Variants in PANX1 observed in about 807,000 individuals in gnomAD.
PANX1 encodes pannexin 1.
A neutral mutation model predicts 38.7 loss-of-function variants in PANX1; 30 were observed. The ratio of observed to expected loss-of-function variants is 0.78; its 90% CI spans 0.58 to 1.05. PANX1 has a LOEUF of 1.05. PANX1 is among the 50% of genes least tolerant of loss of function. PANX1 has a pLI of 0.00. For missense variants in PANX1, 551 were observed against 517.2 expected, an observed-to-expected ratio of 1.07 and a Z score of -0.63; for synonymous variants, 230 against 212.2, an observed-to-expected ratio of 1.08 and a Z score of -0.73.
chr11:94,137,963 G>C lies in PANX1; in HGVS notation c.181+8470G>C, dbSNP rs559774867. 1.2e-4 allele frequency among the ~76,000 whole-genome samples: 18 copies of C among 145,406 alleles called. No individual in the cohort carries two copies. The South Asian group carries it at 3.6e-3, about 29-fold the overall frequency. On this transcript the variant is annotated intron_variant, in intron 1 of 4. Coordinates refer to ENST00000227638, the MANE Select transcript of PANX1 (RefSeq NM_015368.4). ...GGCAGTGACATGGAATGTTGTGCAC[G>C]TGTCAAAATTTAACTGTTTCACAAG...
intron 2 of PANX1, among the ~76,000 whole-genome samples, chr11:94,158,900 C>G (rs1006056835): frequency 2.6e-5 from 4 of 152,076 alleles, no homozygotes; most frequent in Admixed American, 6.5e-5. Context: ...ATAGATAGCT[C>G]TTATTATTTT....
chr11:94,178,415 C>G lies in PANX1; in HGVS notation c.368C>G (p.Pro123Arg), dbSNP rs777029993. 1 of 1,614,076 alleles carries G rather than the reference C, an allele frequency of 6.2e-7. No individual in the cohort carries two copies. The highest frequency in any genetic ancestry group is 8.5e-7 in the Non-Finnish European group (1 of 1,179,980). The change falls in exon 3 of 5, where the codon CCC becomes CGC. Residue 123 changes from proline to arginine, a missense_variant. Transcript: ENST00000227638. Reference sequence around the variant, plus strand: ...CTCTTTGCGATCCTCCTGTACCTGCCCCCGCTGTTCTGGCGTTTCGCAGCT... The same window carrying G: ...CTCTTTGCGATCCTCCTGTACCTGCGCCCGCTGTTCTGGCGTTTCGCAGCT... ...LLLFAILLYL[P>R]PLFWRFAAAP...
intron 2 of PANX1, among the ~76,000 whole-genome samples, chr11:94,163,049 T>C (rs1349831520): frequency 1.3e-5 from 2 of 152,076 alleles, no homozygotes; most frequent in Non-Finnish European, 1.5e-5. Flanking sequence ...ATTTTTGTTA[T>C]TTTTTGTAGA....
At chr11:94,155,148 C>T (rs1460893165) in intron 2 of PANX1, among the ~76,000 whole-genome samples, 4 of 150,880 alleles carry the variant, frequency 2.7e-5, no homozygotes, top group South Asian at 2.1e-4. Flanking sequence ...GTCAGGAGTT[C>T]GAGACCAGCC....
In PANX1 at chr11:94,180,179, A is replaced by G; in HGVS notation, c.1123A>G (p.Met375Val). The change falls in exon 4 of 5, where the codon ATG (methionine) becomes GTG (valine). Residue 375 changes from methionine to valine, a missense_variant. By Grantham distance (21) the Met-to-Val change is conservative. Coordinates refer to ENST00000227638, the MANE Select transcript of PANX1 (RefSeq NM_015368.4). ...LLLTNLGMIK[M>V]DVVDGKTPMS... ...CCTGACAAACCTTGGCATGATCAAG[A>G]TGGATGTTGTTGATGGCAAAACTCC... 5 of 1,613,900 alleles carry G rather than the reference A, an allele frequency of 3.1e-6. No individual in the cohort carries two copies. The highest frequency in any genetic ancestry group is 4.2e-6 in the Non-Finnish European group (5 of 1,179,902).
intron 1 of PANX1, among the ~76,000 whole-genome samples, chr11:94,145,036 T>C (rs1276607781): frequency 6.6e-6 from 1 of 152,184 alleles, no homozygotes; most frequent in Admixed American, 6.5e-5. Context: ...GGAAATGATA[T>C]CAACATAATA....
intron 1 of PANX1, among the ~76,000 whole-genome samples, chr11:94,145,298 C>T (rs1375367854): frequency 6.6e-6 from 1 of 152,182 alleles, no homozygotes; most frequent in Non-Finnish European, 1.5e-5. Context: ...TTTCTTTATA[C>T]ACCCCTTAAT....
At chr11:94,135,951 A>G (rs1946683780) in intron 1 of PANX1, among the ~76,000 whole-genome samples, 2 of 152,224 alleles carry the variant, frequency 1.3e-5, no homozygotes, top group Admixed American at 1.3e-4. Context: ...ATAATAGAAC[A>G]GTATTCCATA....
intron 1 of PANX1, among the ~76,000 whole-genome samples, chr11:94,150,703 C>T (rs568945231): frequency 3.2e-4 from 49 of 152,158 alleles, no homozygotes; most frequent in Non-Finnish European, 6.5e-4. Context: ...CTATTTGTTG[C>T]CTGCCCCTCC....
chr11:94,156,875 A>G (rs1198517489), intron 2 of PANX1, among the ~76,000 whole-genome samples: 1 of 137,136 alleles, frequency 7.3e-6, no homozygotes, highest in African/African-American at 2.8e-5. Context: ...ATCCCTCCCC[A>G]CTCCCCCCAC....
intron 2 of PANX1, among the ~76,000 whole-genome samples, chr11:94,159,856 TG>T (rs1187045233): frequency 6.6e-6 from 1 of 152,022 alleles, no homozygotes; most frequent in Non-Finnish European, 1.5e-5. Flanking sequence ...CTTTCTCTTG[TG>T]GGCATTTAGT....
At chr11:94,162,685 C>T (rs1325543025) in intron 2 of PANX1, among the ~76,000 whole-genome samples, 1 of 152,134 alleles carries the variant, frequency 6.6e-6, no homozygotes, top group African/African-American at 2.4e-5. Flanking sequence ...TGATGCCTCG[C>T]CCTGCTTCGG....
chr11:94,149,284 T>G (rs1035828547), intron 1 of PANX1, among the ~76,000 whole-genome samples: 2 of 152,150 alleles, frequency 1.3e-5, no homozygotes, highest in African/African-American at 4.8e-5. Flanking sequence ...AGTCCTATTT[T>G]TCTTTAGGCT....
chr11:94,166,740 AT>A (rs1291078627), intron 2 of PANX1, among the ~76,000 whole-genome samples: 2 of 152,234 alleles, frequency 1.3e-5, no homozygotes, highest in Non-Finnish European at 2.9e-5. Flanking sequence ...TGAGCCTGAT[AT>A]CTAAGTTGCA....
At chr11:94,173,053 G>C (rs1256283547) in intron 2 of PANX1, among the ~76,000 whole-genome samples, 2 of 151,746 alleles carry the variant, frequency 1.3e-5, no homozygotes, top group Non-Finnish European at 2.9e-5. Context: ...TGGGGTAGCT[G>C]TTCACTCTTG....
Position 94,129,419 on chromosome 11 carries a change from A to G in PANX1, c.107A>G (p.Lys36Arg), listed in dbSNP as rs775483438. 1.9e-6 allele frequency: 3 copies of G among 1,614,068 alleles called. No homozygotes were observed. The highest frequency in any genetic ancestry group is 1.1e-5 in the South Asian group (1 of 91,058). ...CTGCGACTGGAGCTGGCTGTGGACA[A>G]GATGGTCACGTGCATTGCGGTGGGG... is the stretch of plus-strand genomic sequence containing the variant. ...KGLRLELAVD[K>R]MVTCIAVGLP... Residue 36 changes from lysine to arginine, a missense_variant, in exon 1 of 5, where the codon AAG (lysine) becomes AGG (arginine). By Grantham distance (26) the Lys-to-Arg change is conservative. Transcript: ENST00000227638.
In PANX1 at chr11:94,134,052, C is replaced by T. The variant is rs1342744517; in HGVS notation, c.181+4559C>T. ...GATGATAGCAGTAAAGGATGCACAT[C>T]GTCATGATAGGTAAGTTGTCCCACT... is the stretch of plus-strand genomic sequence containing the variant. On this transcript the variant is annotated intron_variant, in intron 1 of 4. Transcript: ENST00000227638. Among the ~76,000 whole-genome samples the T allele has an allele frequency of 5.3e-5, 8 of 152,296 alleles. No homozygotes were observed. In the South Asian group the frequency reaches 6.2e-4, roughly 12 times the overall value.
chr11:94,175,127 C>T (rs1253046489), intron 2 of PANX1, among the ~76,000 whole-genome samples: 2 of 151,748 alleles, frequency 1.3e-5, no homozygotes, highest in Non-Finnish European at 2.9e-5. Context: ...TCTGCAGATG[C>T]ACCCTCAAAG....
At chr11:94,165,579 A>T (rs780970193) in intron 2 of PANX1, among the ~76,000 whole-genome samples, 9 of 152,184 alleles carry the variant, frequency 5.9e-5, no homozygotes, top group Admixed American at 1.3e-4. Flanking sequence ...GCTGCACATG[A>T]GGCTGTGATT....
Sources: allele counts gnomAD v4.1 joint callset (sites outside exome capture counted in the v4.1 genomes callset), GRCh38; gene constraint gnomAD v4.1.1; transcripts MANE v1.5; gene names NCBI Gene and HGNC (gene_info 2026-07-23, HGNC 2026-07-21).